The following DPYS variants were observed in gnomAD, a reference collection of about 807,000 sequenced individuals.
DPYS encodes the protein dihydropyrimidinase, also known as dihydropyrimidine amidohydrolase.
A neutral mutation model predicts 50.3 loss-of-function variants in DPYS; 39 were observed. The observed-to-expected ratio is 0.78, with a 90% confidence interval of 0.60 to 1.01. The LOEUF (loss-of-function observed/expected upper bound fraction) is 1.01, where lower values mean the gene tolerates loss of function less well. Ranked by LOEUF, DPYS falls within the 50% of genes least tolerant of loss-of-function variation. DPYS has a pLI of 0.00. For synonymous variants in DPYS, 245 were observed against 250.7 expected, an observed-to-expected ratio of 0.98 and a Z score of 0.22; for missense variants, 659 against 680.9, an observed-to-expected ratio of 0.97 and a Z score of 0.36.
intron 7 of DPYS, among the ~76,000 whole-genome samples, chr8:104,400,460 C>T (rs193242517): frequency 1.9e-4 from 29 of 152,332 alleles, no homozygotes; most frequent in Admixed American, 1.6e-3. Flanking sequence ...ATTTACCAAA[C>T]GCAAAGCAGC....
rs527754737 is a variant in DPYS at position 104,394,506 on chromosome 8, G to A, written c.1236-1515C>T. Among the ~76,000 whole-genome samples, 9 of 151,652 alleles carry A rather than the reference G, an allele frequency of 5.9e-5. No individual in the cohort carries two copies. In the South Asian group the frequency reaches 1.9e-3, roughly 32 times the overall value. ...TACCTTCTCCCAAAATAAACCCCCC[G>A]CTTCTCCTCTCCCCACTCCATGGCT... On this transcript the variant is annotated intron_variant, in intron 7 of 9. Transcript: ENST00000351513.
In DPYS at chr8:104,466,718, G is replaced by A; in HGVS notation, c.203C>T (p.Thr68Met). Reference protein sequence around the residue: ...LVLPGGIDTHTHMQFPFMGSR... With the variant: ...LVLPGGIDTHMHMQFPFMGSR... ...GCCCATGAAGGGGAACTGCATGTGC[G>A]TGTGTGTGTCGATGCCTCCGGGCAG... The change falls in exon 1 of 10, where the codon ACG becomes ATG. Residue 68 changes from threonine (T) to methionine (M), a missense_variant. Thr to Met is a moderately conservative substitution (Grantham distance 81). Transcript: ENST00000351513. The A allele has an allele frequency of 6.5e-7, 1 of 1,534,584 alleles. No individual in the cohort carries two copies.
At chr8:104,466,550 C>A in intron 1 of DPYS, 107 bp downstream of exon 1, 2 of 1,283,582 alleles carry the variant, frequency 1.6e-6, no homozygotes. Context: ...CCCAGCTCCT[C>A]GGCGCCGCGC....
At chr8:104,424,912 C>T (rs59899701) in intron 6 of DPYS, among the ~76,000 whole-genome samples, 1,724 of 147,466 alleles carry the variant, frequency 0.012, 29 homozygotes, top group African/African-American at 0.04. Context: ...CTGCAACCTC[C>T]ATCTCCCAGG....
rs1384408826 is a variant in DPYS at position 104,447,370 on chromosome 8, C to T, written c.557G>A (p.Gly186Glu). 3.1e-6 allele frequency: 5 copies of T among 1,614,052 alleles called. No individual in the cohort carries two copies. The Admixed American group carries it at 6.7e-5, about 22-fold the overall frequency. ...TTCCGCATGGACCTGGGCAATTGCT[C>T]CAATTTCCTTGCACCGAGAGAAGGC... ...YEAFSRCKEI[G>E]AIAQVHAENG... The change falls in exon 3 of 10, where the codon GGA (glycine) becomes GAA (glutamate). Residue 186 changes from glycine to glutamate, a missense_variant. Gly to Glu is a moderately conservative substitution (Grantham distance 98). Transcript: ENST00000351513.
intron 8 of DPYS, among the ~76,000 whole-genome samples, chr8:104,388,106 T>A (rs966182581): frequency 2.0e-5 from 3 of 152,218 alleles, no homozygotes; most frequent in African/African-American, 4.8e-5. Flanking sequence ...TAAATTATTT[T>A]CTCTGAGCTA....
At chr8:104,399,308 A>C (rs1439126093) in intron 7 of DPYS, among the ~76,000 whole-genome samples, 873 of 39,010 alleles carry the variant, frequency 0.022, 32 homozygotes, top group African/African-American at 0.047. Context: ...AAAAAAAAAA[A>C]AACAACAACA....
Position 104,467,013 on chromosome 8 carries a change from TC to T in DPYS, c.-94del. 7.5e-7 allele frequency: 1 copy of T among 1,327,892 alleles called. No homozygotes were observed. The highest frequency in any genetic ancestry group is 9.6e-7 in the Non-Finnish European group (1 of 1,037,172). The allele number at this position is 1,327,892 out of a possible 1,614,324, so 82.3% of individuals were successfully genotyped here. On this transcript the variant is annotated 5_prime_UTR_variant, in exon 1 of 10. Coordinates refer to ENST00000351513, the MANE Select transcript of DPYS (RefSeq NM_001385.3). ...GGGCTTGGGGTGCCCTCCTGCAAGG[TC>T]CCCACCGACAGCCCCCGAGCTCTGC...
intron 5 of DPYS, among the ~76,000 whole-genome samples, chr8:104,428,397 T>C (rs1440215593): frequency 1.3e-5 from 2 of 152,258 alleles, no homozygotes; most frequent in African/African-American, 4.8e-5. Flanking sequence ...AGCTCTGTGA[T>C]ATGAGCTTGT....
chr8:104,392,712 C>G (rs1466418519), intron 8 of DPYS, 72 bp downstream of exon 8: 20 of 1,587,240 alleles, frequency 1.3e-5, no homozygotes, highest in Non-Finnish European at 1.7e-5. Context: ...CTACTACCAA[C>G]AATAACCAGC....
At chr8:104,464,829 T>C (rs1814300743) in intron 1 of DPYS, among the ~76,000 whole-genome samples, 1 of 152,256 alleles carries the variant, frequency 6.6e-6, no homozygotes. Context: ...TACAATCACA[T>C]ATTGTTTTGA....
rs371134108 is a variant in DPYS, at chr8:104,392,934, C to T, written c.1293G>A (p.Met431Ile). 5 of 1,614,210 alleles carry T rather than the reference C, an allele frequency of 3.1e-6. No individual in the cohort carries two copies. The South Asian group carries it at 3.3e-5, about 11-fold the overall frequency. ...TCACAAGGGGCACCCCGTGGCAAAC[C>T]ATGCCCTCGAAAATGTTGAAGTTAA... ...QAVNFNIFEGMVCHGVPLVTI... is the reference protein window; with the variant it reads ...QAVNFNIFEGIVCHGVPLVTI... The change falls in exon 8 of 10, where the codon ATG becomes ATA. Residue 431 changes from methionine to isoleucine, a missense_variant. Coordinates refer to ENST00000351513, the MANE Select transcript of DPYS (RefSeq NM_001385.3).
intron 8 of DPYS, among the ~76,000 whole-genome samples, chr8:104,388,812 G>C (rs1398496964): frequency 6.6e-6 from 1 of 152,138 alleles, no homozygotes; most frequent in Non-Finnish European, 1.5e-5. Context: ...TTTCCCAAAA[G>C]ATCCAGTAAC....
intron 3 of DPYS, among the ~76,000 whole-genome samples, chr8:104,445,021 A>G (rs779041276): frequency 8.5e-5 from 13 of 152,246 alleles, no homozygotes; most frequent in Non-Finnish European, 1.5e-4. Context: ...GGTGCTCAAC[A>G]TCACTGATCA....
intron 7 of DPYS, chr8:104,418,904 G>T: frequency 1.9e-6 from 1 of 518,696 alleles, no homozygotes; most frequent in Non-Finnish European, 2.5e-6. Context: ...GCAGGGTGTG[G>T]CTGTTGTATA....
chr8:104,424,506 G>T, intron 6 of DPYS, 117 bp from the exon 7 acceptor site: 1 of 1,079,562 alleles, frequency 9.3e-7, no homozygotes, highest in Non-Finnish European at 1.4e-6. Flanking sequence ...TTCTTATATT[G>T]TAGAGCATCT....
rs779663752 is a variant in DPYS, at chr8:104,429,597, G to A, written c.898C>T (p.Pro300Ser). 13 of 1,613,972 alleles carry A rather than the reference G, an allele frequency of 8.1e-6. No homozygotes were observed. The highest frequency in any genetic ancestry group is 1.1e-5 in the Non-Finnish European group (13 of 1,180,008). Reference protein sequence around the residue: ...HHAAHHVMGPPLRPDPSTPDF... With the variant: ...HHAAHHVMGPSLRPDPSTPDF... ...GGTGTTGAGGGGTCTGGTCGCAAAG[G>A]TGGACCCATGACATGGTGGGCTGCA... Residue 300 changes from proline to serine, a missense_variant, in exon 5 of 10, where the codon CCT becomes TCT. By Grantham distance (74) the Pro-to-Ser change is moderately conservative. Coordinates refer to ENST00000351513, the MANE Select transcript of DPYS (RefSeq NM_001385.3).
chr8:104,442,476 C>T (rs950371103), intron 4 of DPYS, among the ~76,000 whole-genome samples: 2 of 151,942 alleles, frequency 1.3e-5, no homozygotes, highest in African/African-American at 2.4e-5. Flanking sequence ...AATTATAGAC[C>T]GACTCATCTC....
At chr8:104,441,050 G>A (rs1021636648) in intron 4 of DPYS, among the ~76,000 whole-genome samples, 2 of 152,126 alleles carry the variant, frequency 1.3e-5, no homozygotes, top group East Asian at 1.9e-4. Flanking sequence ...TATGTCCAAC[G>A]CTTCCTCTTT....
Sources: gnomAD v4.1 joint callset for allele counts (sites outside exome capture counted in the v4.1 genomes callset) on GRCh38, gnomAD v4.1.1 for gene constraint, MANE v1.5 for transcripts, NCBI Gene and HGNC (gene_info 2026-07-23, HGNC 2026-07-21) for gene names.